The following PXDNL variants were observed in gnomAD, a reference collection of about 807,000 sequenced individuals.
PXDNL encodes probable oxidoreductase PXDNL.
A neutral mutation model predicts 150.8 loss-of-function variants in PXDNL; 145 were observed. The ratio of observed to expected loss-of-function variants is 0.96; its 90% confidence interval spans 0.84 to 1.10. The LOEUF (loss-of-function observed/expected upper bound fraction) is 1.10. PXDNL is among the 50% of genes least tolerant of loss of function. The pLI is 0.00. For synonymous variants in PXDNL, 757 were observed against 725.7 expected, an observed-to-expected ratio of 1.04 and a Z score of -0.69; for missense variants, 2,087 against 1,873.9, an observed-to-expected ratio of 1.11 and a Z score of -2.10.
At chr8:51,668,725 A>G (rs950696392) in intron 1 of PXDNL, among the ~76,000 whole-genome samples, 6 of 152,242 alleles carry the variant, frequency 3.9e-5, no homozygotes, top group Non-Finnish European at 7.3e-5. Flanking sequence ...TAAAAATTCC[A>G]ATAGTATATT....
In PXDNL at chr8:51,571,783, C is replaced by T. The variant is rs1213060538; in HGVS notation, c.309-14872G>A. On this transcript the variant is annotated intron_variant, in intron 3 of 22. Coordinates refer to ENST00000356297, the MANE Select transcript of PXDNL (RefSeq NM_144651.5). ...TATTTGTGTAGTTAGAGAATTAATA[C>T]ATGAAATCATAAAACTAATCTGAAA... Among the ~76,000 whole-genome samples, 3 of 151,742 alleles carry T rather than the reference C, an allele frequency of 2.0e-5. No homozygotes were observed. The East Asian group carries it at 5.8e-4, about 29-fold the overall frequency.
At chr8:51,432,108 A>G (rs1809262390) in intron 12 of PXDNL, among the ~76,000 whole-genome samples, 1 of 152,206 alleles carries the variant, frequency 6.6e-6, no homozygotes, top group Non-Finnish European at 1.5e-5. Context: ...AAAAGAGTTA[A>G]ATGTTTTAAA....
chr8:51,488,044 A>T (rs1810807415), intron 5 of PXDNL, among the ~76,000 whole-genome samples: 1 of 152,236 alleles, frequency 6.6e-6, no homozygotes, highest in South Asian at 2.1e-4. Context: ...TTATTTCAGC[A>T]AACAAATTTC....
chr8:51,695,318 G>T (rs538086195), intron 1 of PXDNL, among the ~76,000 whole-genome samples: 2 of 152,056 alleles, frequency 1.3e-5, no homozygotes, highest in African/African-American at 4.8e-5. Flanking sequence ...TAGGGGTTAC[G>T]TTTACCTTCA....
chr8:51,495,669 A>C (rs1201436835), intron 5 of PXDNL, among the ~76,000 whole-genome samples: 1 of 152,262 alleles, frequency 6.6e-6, no homozygotes, highest in Admixed American at 6.5e-5. Flanking sequence ...CAAATAAACT[A>C]GAAAATCTAG....
intron 4 of PXDNL, among the ~76,000 whole-genome samples, chr8:51,546,329 A>G (rs1812360922): frequency 6.6e-6 from 1 of 152,232 alleles, no homozygotes; most frequent in Non-Finnish European, 1.5e-5. Context: ...CCACCCTGAA[A>G]GTGCCTGATC....
In PXDNL at chr8:51,408,635, C is replaced by G; in HGVS notation, c.2989G>C (p.Val997Leu). 6.2e-7 allele frequency: 1 copy of G among 1,608,236 alleles called. No homozygotes were observed. The highest frequency in any genetic ancestry group is 8.5e-7 in the Non-Finnish European group (1 of 1,177,258). ...ACGATCTTCCTGGCTTCCTGGTAAA[C>G]CGTGTTTCCCTCCCAGTGGGGGTTC... is the stretch of plus-strand genomic sequence containing the variant. ...ALNPHWEGNTVYQEARKIVGA... is the reference protein window; with the variant it reads ...ALNPHWEGNTLYQEARKIVGA... Residue 997 changes from valine (V) to leucine (L), a missense_variant, in exon 17 of 23, where the codon GTT becomes CTT. Val to Leu is a conservative substitution (Grantham distance 32). Coordinates refer to ENST00000356297, the MANE Select transcript of PXDNL (RefSeq NM_144651.5).
intron 14 of PXDNL, among the ~76,000 whole-genome samples, chr8:51,421,989 G>A (rs903504819): frequency 2.6e-5 from 4 of 152,192 alleles, no homozygotes; most frequent in South Asian, 2.1e-4. Flanking sequence ...GCAGGCAAGC[G>A]AGCATTACTG....
intron 1 of PXDNL, among the ~76,000 whole-genome samples, chr8:51,764,080 G>A (rs2037198258): frequency 6.6e-6 from 1 of 151,948 alleles, no homozygotes; most frequent in Admixed American, 6.6e-5. Context: ...ATCTCATCTC[G>A]ATTATCTAAT....
chr8:51,331,508 C>T (rs899548595), intron 21 of PXDNL, among the ~76,000 whole-genome samples: 17 of 152,152 alleles, frequency 1.1e-4, no homozygotes, highest in African/African-American at 4.1e-4. Flanking sequence ...GGCGTGAATC[C>T]GGCTTACAGA....
intron 4 of PXDNL, among the ~76,000 whole-genome samples, chr8:51,540,797 AAG>A (rs1471426750): frequency 2.6e-5 from 4 of 152,202 alleles, no homozygotes; most frequent in African/African-American, 9.7e-5. Flanking sequence ...CAGTTACTAA[AAG>A]AGGAGCGTGG....
intron 19 of PXDNL, among the ~76,000 whole-genome samples, chr8:51,368,199 C>T (rs1319896110): frequency 3.3e-5 from 5 of 152,048 alleles, no homozygotes; most frequent in African/African-American, 9.7e-5. Context: ...ATAAATGACA[C>T]GAAAACTACA....
At chr8:51,616,276 T>C (rs1814128911) in intron 2 of PXDNL, among the ~76,000 whole-genome samples, 1 of 152,162 alleles carries the variant, frequency 6.6e-6, no homozygotes, top group Non-Finnish European at 1.5e-5. Flanking sequence ...AAAGCATCCA[T>C]ATGAGAGCAG....
rs1322200480 is a variant in PXDNL at position 51,535,246 on chromosome 8, G to A, written c.380+21594C>T. 4.6e-5 allele frequency among the ~76,000 whole-genome samples: 6 copies of A among 130,396 alleles called. 1 individual carries two copies. In the South Asian group the frequency reaches 7.4e-4, roughly 16 times the overall value. The allele number at this position is 130,396 out of a possible 152,430, so 85.5% of individuals were successfully genotyped here. Reference sequence around the variant, plus strand: ...CAGCGGCTCATTGGGGATGGGCCATGATGACAATGGCGGTTTTGTGGAATA... The same window carrying A: ...CAGCGGCTCATTGGGGATGGGCCATAATGACAATGGCGGTTTTGTGGAATA... On this transcript the variant is annotated intron_variant, in intron 4 of 22. Transcript: ENST00000356297.
chr8:51,613,674 G>T (rs886874657), intron 2 of PXDNL, among the ~76,000 whole-genome samples: 12 of 151,998 alleles, frequency 7.9e-5, no homozygotes, highest in African/African-American at 2.7e-4. Context: ...ACTTCCTCAG[G>T]TTGTCTCTAT....
chr8:51,757,460 C>G (rs1396489771), intron 1 of PXDNL, among the ~76,000 whole-genome samples: 1 of 152,186 alleles, frequency 6.6e-6, no homozygotes, highest in African/African-American at 2.4e-5. Flanking sequence ...TGCTTCTAAG[C>G]TGGGAATTAG....
chr8:51,647,450 G>A (rs754304391), intron 2 of PXDNL, among the ~76,000 whole-genome samples: 3 of 152,174 alleles, frequency 2.0e-5, no homozygotes, highest in African/African-American at 7.2e-5. Flanking sequence ...CCCAAAACGA[G>A]GCAGAGAGAA....
chr8:51,413,320 A>T, intron 14 of PXDNL, 62 bp from the exon 15 acceptor site: 1 of 892,306 alleles, frequency 1.1e-6, no homozygotes, highest in South Asian at 1.4e-5. Flanking sequence ...GCATGATATT[A>T]TATGAATGGC....
Position 51,409,105 on chromosome 8 carries a change from G to T in PXDNL, c.2519C>A (p.Pro840His). 1 of 1,609,174 alleles carries T rather than the reference G, an allele frequency of 6.2e-7. No individual in the cohort carries two copies. Residue 840 changes from proline (P) to histidine (H), a missense_variant, in exon 17 of 23, where the codon CCT (proline) becomes CAT (histidine). By Grantham distance (77) the Pro-to-His change is moderately conservative. Transcript: ENST00000356297. ...RPCSSVCTND[P>H]PCFPMNTRHA... ...CCGGGTGTTCATGGGGAAACAAGGAGGGTCGTTGGTGCAGACGGAGCTGCA... is the reference window on the plus strand; with the variant it reads ...CCGGGTGTTCATGGGGAAACAAGGATGGTCGTTGGTGCAGACGGAGCTGCA...
Sources: gnomAD v4.1 joint callset for allele counts (sites outside exome capture counted in the v4.1 genomes callset) on GRCh38, gnomAD v4.1.1 for gene constraint, MANE v1.5 for transcripts, NCBI Gene and HGNC (gene_info 2026-07-23, HGNC 2026-07-21) for gene names.